Variants in SPTLC3 observed in about 807,000 individuals in gnomAD.
The protein encoded by SPTLC3 is serine palmitoyltransferase long chain base subunit 3.
Under a neutral mutation model 59.3 loss-of-function variants are expected in SPTLC3, and 36 were observed. That is an observed-to-expected ratio of 0.61 (90% CI 0.47 to 0.80). The LOEUF is 0.80. Among genes scored for constraint, SPTLC3 ranks in the 30% least tolerant of loss-of-function variants. The pLI is 0.00. For missense variants in SPTLC3, 625 were observed against 685.1 expected (o/e 0.91, Z 0.98); for synonymous variants, 257 against 240.8 (o/e 1.07, Z -0.62).
chr20:13,041,238 C>T (rs1986967887), intron 1 of SPTLC3, among the ~76,000 whole-genome samples: 1 of 152,028 alleles, frequency 6.6e-6, no homozygotes, highest in Admixed American at 6.6e-5. Context: ...TCAACGGTAT[C>T]CCACATGTTT....
chr20:13,133,100 T>A (rs1255812322), intron 9 of SPTLC3: 3 of 152,362 alleles, frequency 2.0e-5, no homozygotes, highest in African/African-American at 7.2e-5. Context: ...GAGATGCTCT[T>A]CTCTTCTGGT....
intron 3 of SPTLC3, among the ~76,000 whole-genome samples, chr20:13,073,131 T>C (rs929528288): frequency 2.6e-5 from 4 of 152,224 alleles, no homozygotes; most frequent in African/African-American, 9.6e-5. Flanking sequence ...ACAGTCACCC[T>C]ACTGATCTGA....
chr20:13,026,703 A>G (rs1181889024), intron 1 of SPTLC3, among the ~76,000 whole-genome samples: 1 of 152,218 alleles, frequency 6.6e-6, no homozygotes, highest in Non-Finnish European at 1.5e-5. Flanking sequence ...AACTCGGATG[A>G]CCATAGCAGA....
At chr20:13,088,739 C>G (rs1440924342) in intron 4 of SPTLC3, among the ~76,000 whole-genome samples, 1 of 151,800 alleles carries the variant, frequency 6.6e-6, no homozygotes, top group East Asian at 1.9e-4. Flanking sequence ...CTGCCTCAGC[C>G]TCCCAAGTAG....
chr20:13,052,698 C>T (rs572121799), intron 2 of SPTLC3, among the ~76,000 whole-genome samples: 7 of 152,222 alleles, frequency 4.6e-5, no homozygotes, highest in South Asian at 4.2e-4. Context: ...CACTCAAGCT[C>T]AGTAGCAGGA....
chr20:13,073,929 C>T, intron 3 of SPTLC3: 1 of 575,742 alleles, frequency 1.7e-6, no homozygotes, highest in South Asian at 1.5e-5. Flanking sequence ...CATCCTGGAT[C>T]ATCCAGGGAG....
chr20:13,025,526 G>T (rs959027175), intron 1 of SPTLC3, among the ~76,000 whole-genome samples: 4 of 152,104 alleles, frequency 2.6e-5, no homozygotes, highest in Non-Finnish European at 5.9e-5. Flanking sequence ...TACCCTATTG[G>T]ATGGTGGTGA....
intron 5 of SPTLC3, among the ~76,000 whole-genome samples, chr20:13,092,520 C>T (rs1989262358): frequency 6.6e-6 from 1 of 152,160 alleles, no homozygotes; most frequent in Non-Finnish European, 1.5e-5. Flanking sequence ...TTTGAACTGT[C>T]TATCAAATGA....
intron 9 of SPTLC3, among the ~76,000 whole-genome samples, chr20:13,150,978 C>G (rs1006399912): frequency 6.6e-6 from 1 of 152,224 alleles, no homozygotes; most frequent in African/African-American, 2.4e-5. Context: ...TTTCTCTACA[C>G]TGTGCATCCC....
chr20:13,126,897 A>C (rs1016913587), intron 9 of SPTLC3, among the ~76,000 whole-genome samples, 180 bp downstream of exon 9: 11 of 152,268 alleles, frequency 7.2e-5, no homozygotes, highest in African/African-American at 2.4e-4. Flanking sequence ...TGTTAAAGCA[A>C]AGAAAACTTT....
At chr20:13,093,153 A>G (rs1400660854) in intron 5 of SPTLC3, among the ~76,000 whole-genome samples, 1 of 152,154 alleles carries the variant, frequency 6.6e-6, no homozygotes, top group Admixed American at 6.5e-5. Context: ...TTCATAACCC[A>G]CCCAAAAATC....
At chr20:13,098,843 A>T (rs769045518) in intron 6 of SPTLC3, among the ~76,000 whole-genome samples, 1 of 152,200 alleles carries the variant, frequency 6.6e-6, no homozygotes, top group Non-Finnish European at 1.5e-5. Context: ...AAGATCATAC[A>T]ACTGATTAAT....
At chr20:13,016,103 C>A (rs1223706056) in intron 1 of SPTLC3, among the ~76,000 whole-genome samples, 1 of 151,046 alleles carries the variant, frequency 6.6e-6, no homozygotes, top group Non-Finnish European at 1.5e-5. Context: ...GGCCAAACAC[C>A]AGAAAGAAAA....
At chr20:13,107,622 G>A (rs982039888) in intron 6 of SPTLC3, among the ~76,000 whole-genome samples, 2 of 152,120 alleles carry the variant, frequency 1.3e-5, no homozygotes, top group African/African-American at 4.8e-5. Context: ...AAGGAAAGTG[G>A]CATGAAATAA....
intron 9 of SPTLC3, among the ~76,000 whole-genome samples, chr20:13,150,584 C>T (rs74405246): frequency 0.012 from 1,771 of 152,240 alleles, 39 homozygotes; most frequent in African/African-American, 0.04. Context: ...ATTCTATGTC[C>T]GGCTTTGTTT....
chr20:13,095,526 A>G (rs1016171589), intron 6 of SPTLC3, among the ~76,000 whole-genome samples: 3 of 152,196 alleles, frequency 2.0e-5, no homozygotes, highest in African/African-American at 7.2e-5. Flanking sequence ...ATAAATGACC[A>G]ACTGGGAGAC....
intron 4 of SPTLC3, among the ~76,000 whole-genome samples, chr20:13,089,985 C>G (rs1250008480): frequency 6.6e-6 from 1 of 152,064 alleles, no homozygotes; most frequent in African/African-American, 2.4e-5. Context: ...TATGCTTTAG[C>G]TTTACATTTT....
chr20:13,041,732 TC>T (rs933251011), intron 1 of SPTLC3, among the ~76,000 whole-genome samples: 3 of 145,982 alleles, frequency 2.1e-5, no homozygotes, highest in African/African-American at 7.6e-5. Context: ...ATCACTGCCC[TC>T]CCCCGCCCCC....
chr20:13,086,193 C>T (rs1047015286), intron 4 of SPTLC3, among the ~76,000 whole-genome samples: 1 of 152,172 alleles, frequency 6.6e-6, no homozygotes, highest in African/African-American at 2.4e-5. Flanking sequence ...TTTGCACCAC[C>T]AACTGCAAGT....
Sources: gnomAD v4.1 joint callset for allele counts (sites outside exome capture counted in the v4.1 genomes callset) on GRCh38, gnomAD v4.1.1 for gene constraint, MANE v1.5 for transcripts, NCBI Gene and HGNC (gene_info 2026-07-23, HGNC 2026-07-21) for gene names.